Variants in TBC1D19 observed in about 807,000 individuals in gnomAD.
TBC1D19 encodes TBC1 domain family, member 19.
Under a neutral mutation model 89.0 loss-of-function variants are expected in TBC1D19, and 60 were observed. The observed-to-expected ratio is 0.67, with a 90% confidence interval of 0.55 to 0.84. The LOEUF is 0.84. Among genes scored for constraint, TBC1D19 ranks in the 40% least tolerant of loss-of-function variants. TBC1D19 has a pLI of 0.00. For missense variants in TBC1D19, 500 were observed against 610.8 expected, an observed-to-expected ratio of 0.82 and a Z score of 1.91; for synonymous variants, 189 against 199.7, an observed-to-expected ratio of 0.95 and a Z score of 0.45.
chr4:26,651,125 A>G (rs1744340900), intron 7 of TBC1D19, among the ~76,000 whole-genome samples: 1 of 152,116 alleles, frequency 6.6e-6, no homozygotes, highest in Admixed American at 6.6e-5. Context: ...GTAGCCTTGT[A>G]GTATAGTTTG....
At chr4:26,680,592 ATGC>A (rs899953826) in intron 11 of TBC1D19, among the ~76,000 whole-genome samples, 5 of 152,198 alleles carry the variant, frequency 3.3e-5, no homozygotes, top group African/African-American at 1.2e-4. Flanking sequence ...GAGTTAAGTA[ATGC>A]TGAGTTAATC....
chr4:26,688,214 T>C, intron 12 of TBC1D19, 131 bp from the exon 13 acceptor site: 1 of 1,268,968 alleles, frequency 7.9e-7, no homozygotes, highest in Non-Finnish European at 1.0e-6. Flanking sequence ...AATGATAAAA[T>C]TTAATTGAGA....
chr4:26,856,618 C>T, the TBC1D19 span, among the ~76,000 whole-genome samples: 40 of 152,310 alleles, frequency 2.6e-4, no homozygotes, highest in African/African-American at 9.6e-4. Flanking sequence ...TTCCTTTTCT[C>T]CACATCCTCA....
intron 8 of TBC1D19, among the ~76,000 whole-genome samples, chr4:26,661,325 C>T (rs1745211003): frequency 6.6e-6 from 1 of 152,170 alleles, no homozygotes; most frequent in Admixed American, 6.5e-5. Flanking sequence ...TTTCCCCACC[C>T]TCCACCTTCT....
At chr4:26,763,741 C>T in the TBC1D19 span, among the ~76,000 whole-genome samples, 2 of 152,202 alleles carry the variant, frequency 1.3e-5, no homozygotes, top group Admixed American at 6.5e-5. Flanking sequence ...TCTGGGTCTA[C>T]ACAAGTAAGA....
chr4:26,582,715 T>A (rs1053669004), upstream of TBC1D19, among the ~76,000 whole-genome samples: 20 of 152,248 alleles, frequency 1.3e-4, no homozygotes, highest in African/African-American at 3.9e-4. Context: ...AGAGAGTCTG[T>A]CATTAATTGC....
At chr4:26,637,823 G>C (rs755295412) in intron 5 of TBC1D19, among the ~76,000 whole-genome samples, 8 of 152,126 alleles carry the variant, frequency 5.3e-5, no homozygotes, top group Non-Finnish European at 2.9e-5. Flanking sequence ...ATTGAAATAT[G>C]AATCTGTAGT....
At chr4:26,696,879 A>G (rs1479923756) in intron 13 of TBC1D19, among the ~76,000 whole-genome samples, 1 of 152,230 alleles carries the variant, frequency 6.6e-6, no homozygotes, top group African/African-American at 2.4e-5. Context: ...GGAAATTTAT[A>G]GCACTAAATG....
At chr4:26,813,079 G>A in the TBC1D19 span, among the ~76,000 whole-genome samples, 1 of 151,972 alleles carries the variant, frequency 6.6e-6, no homozygotes, top group Admixed American at 6.6e-5. Context: ...AATTAGCCAG[G>A]TGTGGTGGCT....
At chr4:26,610,317 C>T (rs937288255) in intron 1 of TBC1D19, among the ~76,000 whole-genome samples, 1 of 151,818 alleles carries the variant, frequency 6.6e-6, no homozygotes, top group Non-Finnish European at 1.5e-5. Flanking sequence ...TGAAACTTTG[C>T]CAGCCACACT....
chr4:26,794,544 TA>T, the TBC1D19 span, among the ~76,000 whole-genome samples: 1 of 152,124 alleles, frequency 6.6e-6, no homozygotes, highest in Admixed American at 6.5e-5. Context: ...TATGATCTTT[TA>T]AACAATATAC....
the TBC1D19 span, among the ~76,000 whole-genome samples, chr4:26,774,860 C>T: frequency 6.6e-6 from 1 of 152,170 alleles, no homozygotes; most frequent in African/African-American, 2.4e-5. Context: ...TGATATCCCT[C>T]ACAAGTTCTT....
At chr4:26,751,161 G>A (rs1249085336) in intron 19 of TBC1D19, among the ~76,000 whole-genome samples, 2 of 152,110 alleles carry the variant, frequency 1.3e-5, no homozygotes, top group Non-Finnish European at 2.9e-5. Flanking sequence ...CCAAACATGA[G>A]GCAGATGGAA....
chr4:26,584,380 C>T, intron 1 of TBC1D19, 88 bp downstream of exon 1: 1 of 1,206,954 alleles, frequency 8.3e-7, no homozygotes, highest in Non-Finnish European at 1.2e-6. Flanking sequence ...CCAGAGCTCG[C>T]CTCTGACCTC....
the TBC1D19 span, among the ~76,000 whole-genome samples, chr4:26,833,672 T>C: frequency 6.6e-6 from 1 of 152,262 alleles, no homozygotes; most frequent in Non-Finnish European, 1.5e-5. Context: ...CTGCCATGGA[T>C]AATGGAACTT....
the TBC1D19 span, among the ~76,000 whole-genome samples, chr4:26,762,173 G>A: frequency 6.6e-6 from 1 of 152,026 alleles, no homozygotes; most frequent in East Asian, 1.9e-4. Context: ...GGGAAAGTGA[G>A]ACAGATTCAG....
chr4:26,693,695 A>G (rs886524652), intron 13 of TBC1D19, among the ~76,000 whole-genome samples: 1 of 151,322 alleles, frequency 6.6e-6, no homozygotes, highest in Admixed American at 6.6e-5. Context: ...CCCGGTCTAA[A>G]AAAAAAAAAA....
chr4:26,665,447 C>T (rs964721817), intron 8 of TBC1D19, among the ~76,000 whole-genome samples: 11 of 151,686 alleles, frequency 7.3e-5, no homozygotes, highest in African/African-American at 2.7e-4. Context: ...TATTTAATTA[C>T]TTTGGGCATA....
At chr4:26,709,690 T>C (rs1716011884) in intron 13 of TBC1D19, among the ~76,000 whole-genome samples, 1 of 151,896 alleles carries the variant, frequency 6.6e-6, no homozygotes, top group Non-Finnish European at 1.5e-5. Flanking sequence ...TAACTGAAAT[T>C]TACCATCCAA....
Sources: allele counts gnomAD v4.1 joint callset (sites outside exome capture counted in the v4.1 genomes callset), GRCh38; gene constraint gnomAD v4.1.1; transcripts MANE v1.5; gene names NCBI Gene and HGNC (gene_info 2026-07-23, HGNC 2026-07-21).